The following THEMIS variants were observed in gnomAD, a reference collection of about 807,000 sequenced individuals.
THEMIS encodes the protein protein THEMIS.
THEMIS carries 37 observed loss-of-function variants against 52.6 expected under a neutral mutation model. That is an observed-to-expected ratio of 0.70 (90% CI 0.54 to 0.93). The LOEUF is 0.93. Among genes scored for constraint, THEMIS ranks in the 40% least tolerant of loss-of-function variants. The pLI, the probability that THEMIS is intolerant of heterozygous loss-of-function variation, is 0.00. For synonymous variants in THEMIS, 292 were observed against 272.7 expected (o/e 1.07, Z -0.70); for missense variants, 808 against 763.1 (o/e 1.06, Z -0.69).
intron 4 of THEMIS, among the ~76,000 whole-genome samples, chr6:127,747,571 A>G (rs564563588): frequency 1.3e-5 from 2 of 151,716 alleles, no homozygotes; most frequent in East Asian, 1.9e-4. Flanking sequence ...TTGTTAAGGT[A>G]ATTAACCATC....
chr6:127,710,380 C>A (rs1489425619), intron 5 of THEMIS, among the ~76,000 whole-genome samples: 1 of 151,926 alleles, frequency 6.6e-6, no homozygotes, highest in African/African-American at 2.4e-5. Flanking sequence ...GAGACCTGCC[C>A]AGCAATCACA....
chr6:127,880,967 C>A (rs1366294307), intron 1 of THEMIS, among the ~76,000 whole-genome samples: 2 of 151,986 alleles, frequency 1.3e-5, no homozygotes, highest in Non-Finnish European at 2.9e-5. Flanking sequence ...GCGATGATTC[C>A]AAGTATTTAT....
At chr6:127,805,200 T>G (rs1229871831) in intron 4 of THEMIS, among the ~76,000 whole-genome samples, 1 of 152,050 alleles carries the variant, frequency 6.6e-6, no homozygotes, top group Non-Finnish European at 1.5e-5. Flanking sequence ...GTGGTAAATA[T>G]CTCAAAGGAG....
intron 3 of THEMIS, among the ~76,000 whole-genome samples, chr6:127,826,003 TTATAA>T (rs1242291661): frequency 2.6e-5 from 4 of 152,202 alleles, no homozygotes; most frequent in African/African-American, 7.2e-5. Flanking sequence ...TAGCCATAAC[TTATAA>T]TATACTGAGA....
intron 4 of THEMIS, among the ~76,000 whole-genome samples, chr6:127,797,250 G>A (rs1001725097): frequency 2.0e-5 from 3 of 152,158 alleles, no homozygotes; most frequent in African/African-American, 7.2e-5. Context: ...GAAATGGCAG[G>A]AGTCAAAAAC....
intron 4 of THEMIS, among the ~76,000 whole-genome samples, chr6:127,796,862 T>C (rs1250243789): frequency 6.6e-6 from 1 of 152,234 alleles, no homozygotes; most frequent in African/African-American, 2.4e-5. Flanking sequence ...TGATTCTCAC[T>C]GTTTTATATC....
At chr6:127,762,421 A>C (rs1776051899) in intron 4 of THEMIS, among the ~76,000 whole-genome samples, 2 of 152,136 alleles carry the variant, frequency 1.3e-5, no homozygotes, top group Non-Finnish European at 2.9e-5. Context: ...AACAATAACA[A>C]ATACAAAAAT....
intron 1 of THEMIS, among the ~76,000 whole-genome samples, chr6:127,917,158 G>T (rs369243952): frequency 6.6e-6 from 1 of 152,204 alleles, no homozygotes; most frequent in East Asian, 1.9e-4. Context: ...CAGTTGCTAA[G>T]ATCTTCCCGA....
chr6:127,851,560 T>G (rs968610763), intron 2 of THEMIS, among the ~76,000 whole-genome samples: 1 of 151,854 alleles, frequency 6.6e-6, no homozygotes, highest in East Asian at 1.9e-4. Context: ...CCAAAGAAGA[T>G]GTACTGATAG....
upstream of THEMIS, among the ~76,000 whole-genome samples, chr6:127,902,570 C>T (rs142160152): frequency 6.6e-6 from 1 of 152,004 alleles, no homozygotes; most frequent in African/African-American, 2.4e-5. Flanking sequence ...GCTTATAAAA[C>T]TGTTTCAACT....
At chr6:127,789,377 T>A (rs1777084708) in intron 4 of THEMIS, among the ~76,000 whole-genome samples, 1 of 152,142 alleles carries the variant, frequency 6.6e-6, no homozygotes, top group Non-Finnish European at 1.5e-5. Context: ...ATTAAGGCAG[T>A]AATTAATAGC....
At chr6:127,760,009 T>C (rs1775967336) in intron 4 of THEMIS, among the ~76,000 whole-genome samples, 1 of 151,994 alleles carries the variant, frequency 6.6e-6, no homozygotes, top group South Asian at 2.1e-4. Context: ...TTTTACAGTG[T>C]CAAGTCTTAT....
chr6:127,712,559 A>C (rs1774019736), intron 5 of THEMIS, among the ~76,000 whole-genome samples: 1 of 151,954 alleles, frequency 6.6e-6, no homozygotes, highest in South Asian at 2.1e-4. Flanking sequence ...TTCAATAAAG[A>C]GGTGATGATT....
chr6:127,914,728 A>T (rs1203089540), intron 1 of THEMIS, among the ~76,000 whole-genome samples: 1 of 152,230 alleles, frequency 6.6e-6, no homozygotes, highest in Non-Finnish European at 1.5e-5. Context: ...GAATGAAAGG[A>T]ACTTTCAAAT....
At chr6:127,913,295 C>T (rs929048365) in intron 1 of THEMIS, among the ~76,000 whole-genome samples, 1 of 152,120 alleles carries the variant, frequency 6.6e-6, no homozygotes, top group Admixed American at 6.6e-5. Context: ...ATATTATTTT[C>T]ACAATTCTCT....
chr6:127,811,868 G>C (rs957770203), intron 4 of THEMIS, among the ~76,000 whole-genome samples: 1 of 152,116 alleles, frequency 6.6e-6, no homozygotes, highest in African/African-American at 2.4e-5. Context: ...AATTTCTGCT[G>C]GTTTTATCTT....
intron 4 of THEMIS, among the ~76,000 whole-genome samples, chr6:127,763,122 G>T (rs1402309110): frequency 2.0e-5 from 3 of 151,888 alleles, no homozygotes; most frequent in African/African-American, 7.2e-5. Context: ...TGAGACCTAA[G>T]AGTTTAAGAA....
chr6:127,877,322 C>T (rs1427852974), intron 1 of THEMIS, among the ~76,000 whole-genome samples: 1 of 152,178 alleles, frequency 6.6e-6, no homozygotes, highest in Non-Finnish European at 1.5e-5. Context: ...TAATTTCCTT[C>T]AAGAACTTTT....
At chr6:127,905,068 G>A (rs1259187482), upstream of THEMIS, among the ~76,000 whole-genome samples, 1 of 151,922 alleles carries the variant, frequency 6.6e-6, no homozygotes, top group Non-Finnish European at 1.5e-5. Context: ...AAATAATAGT[G>A]GGAGAAGAAA....
Sources: allele counts gnomAD v4.1 joint callset (sites outside exome capture counted in the v4.1 genomes callset), GRCh38; gene constraint gnomAD v4.1.1; transcripts MANE v1.5; gene names NCBI Gene and HGNC (gene_info 2026-07-23, HGNC 2026-07-21).